The following MTRF1 variants were observed in gnomAD, a reference collection of about 807,000 sequenced individuals.
The protein encoded by MTRF1 is peptide chain release factor 1, mitochondrial.
Under a neutral mutation model 62.9 loss-of-function variants are expected in MTRF1, and 51 were observed. That is an observed-to-expected ratio of 0.81 (90% confidence interval 0.65 to 1.02). MTRF1 has a LOEUF of 1.02. MTRF1 is among the 50% of genes least tolerant of loss of function. The pLI, the probability that MTRF1 is intolerant of heterozygous loss-of-function variation, is 0.00. For missense variants in MTRF1, 446 were observed against 530.0 expected, an observed-to-expected ratio of 0.84 and a Z score of 1.56; for synonymous variants, 158 against 181.9, an observed-to-expected ratio of 0.87 and a Z score of 1.06.
chr13:41,217,792 C>T (rs1378896648), intron 9 of MTRF1, among the ~76,000 whole-genome samples: 1 of 152,240 alleles, frequency 6.6e-6, no homozygotes, highest in East Asian at 1.9e-4. Context: ...CTGGATCTGA[C>T]TGAGAGGAAG....
upstream of MTRF1, among the ~76,000 whole-genome samples, chr13:41,265,221 G>A (rs528242611): frequency 2.6e-5 from 4 of 152,088 alleles, no homozygotes; most frequent in Admixed American, 2.0e-4. Context: ...TCAGGAGTTC[G>A]AAACCAGCCT....
chr13:41,301,490 G>C, the MTRF1 span, among the ~76,000 whole-genome samples: 3 of 152,168 alleles, frequency 2.0e-5, no homozygotes, highest in Non-Finnish European at 4.4e-5. Flanking sequence ...GCTCATACCT[G>C]TAATGTCAGC....
At chr13:41,303,921 A>G in the MTRF1 span, among the ~76,000 whole-genome samples, 4 of 152,276 alleles carry the variant, frequency 2.6e-5, no homozygotes, top group African/African-American at 9.6e-5. Flanking sequence ...TTGTTATCCT[A>G]TATATAAATA....
the MTRF1 span, among the ~76,000 whole-genome samples, chr13:41,290,089 C>CTTTTTT: frequency 1.7e-3 from 130 of 78,498 alleles, no homozygotes; most frequent in East Asian, 2.6e-3. Flanking sequence ...TGTAATAGTT[C>CTTTTTT]TTTTTTTTTT....
At chr13:41,276,711 T>C in the MTRF1 span, among the ~76,000 whole-genome samples, 1 of 152,032 alleles carries the variant, frequency 6.6e-6, no homozygotes, top group African/African-American at 2.4e-5. Flanking sequence ...TCCCCCAAAC[T>C]CAACTGCCTT....
chr13:41,275,318 A>G, the MTRF1 span, among the ~76,000 whole-genome samples: 3 of 151,234 alleles, frequency 2.0e-5, no homozygotes, highest in South Asian at 6.3e-4. Flanking sequence ...CTTTTGCCTC[A>G]GTCTCCCAAG....
chr13:41,251,777 T>C (rs1242475344), intron 5 of MTRF1, among the ~76,000 whole-genome samples: 1 of 152,198 alleles, frequency 6.6e-6, no homozygotes, highest in East Asian at 1.9e-4. Context: ...GAGGAAAACT[T>C]TCAGATGGAT....
intron 6 of MTRF1, among the ~76,000 whole-genome samples, chr13:41,239,000 CAAG>C (rs959007104): frequency 1.3e-5 from 2 of 151,152 alleles, no homozygotes; most frequent in Non-Finnish European, 2.9e-5. Flanking sequence ...CTAGACTTTT[CAAG>C]AAGTCATTAT....
chr13:41,277,046 C>G, the MTRF1 span, among the ~76,000 whole-genome samples: 2 of 152,108 alleles, frequency 1.3e-5, no homozygotes, highest in Non-Finnish European at 2.9e-5. Flanking sequence ...TTGAAAAACC[C>G]TTAACCTATG....
the MTRF1 span, chr13:41,311,507 C>A: frequency 6.3e-7 from 1 of 1,589,348 alleles, no homozygotes; most frequent in Middle Eastern, 1.7e-4. Context: ...CTGCCGGCCA[C>A]CTAGCCTCCC....
intron 5 of MTRF1, among the ~76,000 whole-genome samples, chr13:41,245,251 T>TG (rs972654120): frequency 6.6e-6 from 1 of 150,752 alleles, no homozygotes; most frequent in African/African-American, 2.4e-5. Flanking sequence ...TCATATTGCT[T>TG]TTTTTTTTTG....
chr13:41,225,209 C>A (rs377645890), intron 8 of MTRF1, among the ~76,000 whole-genome samples: 1,952 of 115,394 alleles, frequency 0.017, no homozygotes, highest in Middle Eastern at 0.032. Flanking sequence ...GAATCTGTCT[C>A]AAAAAAAAAA....
At position 41,230,774 on chromosome 13, in the gene MTRF1, G is replaced by A. The variant is rs2035404506; in HGVS notation, c.988+3116C>T. Among the ~76,000 whole-genome samples, 3 of 149,700 alleles carry A rather than the reference G, an allele frequency of 2.0e-5. No homozygotes were observed. In the South Asian group the frequency reaches 6.3e-4, roughly 31 times the overall value. On this transcript the variant is annotated intron_variant, in intron 7 of 9. Coordinates refer to ENST00000379480, the MANE Select transcript of MTRF1 (RefSeq NM_004294.4). The stretch of plus-strand genomic sequence containing the variant: ...TTTTGCTCTTGTTGCCCAGGCTGAA[G>A]TGCAATGGCATGATCTCGGCTCACT...
At chr13:41,239,887 G>C (rs1187542541) in intron 6 of MTRF1, among the ~76,000 whole-genome samples, 1 of 152,122 alleles carries the variant, frequency 6.6e-6, no homozygotes, top group African/African-American at 2.4e-5. Context: ...TCGGCTGGGT[G>C]CGGTGGCTCA....
rs372109558 is a variant in MTRF1, at chr13:41,227,903, C to G, written c.989-1335G>C. Reference sequence around the variant, plus strand: ...GCTTTACTGCAGCCATCTGGTTGGACTGGGGGCACTGGCTGGCCCCCATCT... The same window carrying G: ...GCTTTACTGCAGCCATCTGGTTGGAGTGGGGGCACTGGCTGGCCCCCATCT... On this transcript the variant is annotated intron_variant, in intron 7 of 9. Coordinates refer to ENST00000379480, the MANE Select transcript of MTRF1 (RefSeq NM_004294.4). 1.1e-4 allele frequency among the ~76,000 whole-genome samples: 17 copies of G among 152,350 alleles called. 1 individual carries two copies. In the East Asian group the frequency reaches 3.1e-3, roughly 28 times the overall value.
chr13:41,309,256 C>A, the MTRF1 span, among the ~76,000 whole-genome samples: 43 of 151,892 alleles, frequency 2.8e-4, no homozygotes, highest in African/African-American at 9.9e-4. Flanking sequence ...TGGCTCACTG[C>A]AACCTGTCTC....
chr13:41,308,365 T>C, the MTRF1 span, among the ~76,000 whole-genome samples: 1 of 152,352 alleles, frequency 6.6e-6, no homozygotes, highest in East Asian at 1.9e-4. Flanking sequence ...GAGGGTCAAG[T>C]GAGGGCTTGA....
chr13:41,232,703 G>A (rs552023125), intron 7 of MTRF1, among the ~76,000 whole-genome samples: 1 of 152,212 alleles, frequency 6.6e-6, no homozygotes, highest in South Asian at 2.1e-4. Context: ...CCCAAGAAAC[G>A]GGAGGATCCA....
upstream of MTRF1, among the ~76,000 whole-genome samples, chr13:41,264,115 A>G (rs976588664): frequency 6.6e-6 from 1 of 152,228 alleles, no homozygotes; most frequent in Non-Finnish European, 1.5e-5. Context: ...CTCCTTTTAC[A>G]TCATCCACAA....
Sources: gnomAD v4.1 joint callset for allele counts (sites outside exome capture counted in the v4.1 genomes callset) on GRCh38, gnomAD v4.1.1 for gene constraint, MANE v1.5 for transcripts, NCBI Gene and HGNC (gene_info 2026-07-23, HGNC 2026-07-21) for gene names.